The following ANTXR2 variants were observed in gnomAD, a reference collection of about 807,000 sequenced individuals.
The protein encoded by ANTXR2 is anthrax toxin receptor 2.
A neutral mutation model predicts 73.7 loss-of-function variants in ANTXR2; 44 were observed. The ratio of observed to expected loss-of-function variants is 0.60; its 90% CI spans 0.47 to 0.77. The LOEUF (loss-of-function observed/expected upper bound fraction) is 0.77. Ranked by LOEUF, ANTXR2 falls within the 30% of genes least tolerant of loss-of-function variation. The probability of loss-of-function intolerance (pLI) is 0.00; values close to 1 mark genes in which losing one functional copy is unlikely to be tolerated. For synonymous variants in ANTXR2, 217 were observed against 205.9 expected, an observed-to-expected ratio of 1.05 and a Z score of -0.46; for missense variants, 604 against 592.5, an observed-to-expected ratio of 1.02 and a Z score of -0.20.
At chr4:80,001,620 C>T (rs1253201271) in intron 12 of ANTXR2, among the ~76,000 whole-genome samples, 4 of 150,010 alleles carry the variant, frequency 2.7e-5, no homozygotes, top group Non-Finnish European at 3.0e-5. Context: ...CTTTCTGTCT[C>T]GTTGATCTGT....
intron 16 of ANTXR2, among the ~76,000 whole-genome samples, chr4:79,963,182 C>T (rs934262164): frequency 2.0e-5 from 3 of 152,052 alleles, no homozygotes; most frequent in African/African-American, 7.2e-5. Context: ...AAGAAGCCAC[C>T]ATTAAAAAGG....
intron 3 of ANTXR2, among the ~76,000 whole-genome samples, 157 bp downstream of exon 3, chr4:80,069,279 T>C (rs1734671461): frequency 6.6e-6 from 1 of 152,222 alleles, no homozygotes; most frequent in Admixed American, 6.5e-5. Flanking sequence ...TGCTCTTTTA[T>C]ATTACTCATA....
At chr4:79,974,544 G>A (rs534668293) in intron 16 of ANTXR2, among the ~76,000 whole-genome samples, 5 of 151,942 alleles carry the variant, frequency 3.3e-5, no homozygotes, top group Admixed American at 1.3e-4. Context: ...CCCTACATTT[G>A]TCACCAAAAT....
At chr4:79,989,112 C>T (rs1201957835) in intron 12 of ANTXR2, among the ~76,000 whole-genome samples, 1 of 151,672 alleles carries the variant, frequency 6.6e-6, no homozygotes, top group Non-Finnish European at 1.5e-5. Context: ...TAAACCAACC[C>T]CAAAGCTAGC....
intron 6 of ANTXR2, 75 bp from the exon 7 acceptor site, chr4:80,054,427 A>T (rs992922801): frequency 1.9e-6 from 2 of 1,074,408 alleles, no homozygotes; most frequent in African/African-American, 3.3e-5. Flanking sequence ...GTTACATTTC[A>T]GTTATGTTCA....
In ANTXR2 at chr4:79,911,889, C is replaced by T. The variant is rs140584612; in HGVS notation, c.1429-4422G>A. ...GTTGTAATGCTTTAGGTAGCACCCA[C>T]ACTACTTACTCAATTAGGCAATCAA... On this transcript the variant is annotated intron_variant, in intron 16 of 16. Transcript: ENST00000403729. Among the ~76,000 whole-genome samples the T allele has an allele frequency of 1.6e-4, 25 of 152,040 alleles. 1 individual carries two copies. The highest frequency in any genetic ancestry group is 5.5e-4 in the African/African-American group (23 of 41,516).
At chr4:79,975,913 A>ATTT (rs1729605933) in intron 16 of ANTXR2, among the ~76,000 whole-genome samples, 2 of 91,062 alleles carry the variant, frequency 2.2e-5, no homozygotes, top group Non-Finnish European at 2.5e-5. Flanking sequence ...CTCAAATTAC[A>ATTT]CTTTTTTTTT....
intron 12 of ANTXR2, among the ~76,000 whole-genome samples, chr4:79,998,608 C>T (rs920955835): frequency 6.6e-6 from 1 of 151,996 alleles, no homozygotes; most frequent in African/African-American, 2.4e-5. Flanking sequence ...TTTCTGATGT[C>T]ACTAACAATT....
intron 3 of ANTXR2, among the ~76,000 whole-genome samples, chr4:80,066,524 TATA>T (rs1221318499): frequency 6.6e-6 from 1 of 152,236 alleles, no homozygotes; most frequent in African/African-American, 2.4e-5. Context: ...TTTGGAATAT[TATA>T]AATCCTTTTA....
At chr4:79,981,994 A>G (rs181115134) in intron 14 of ANTXR2, among the ~76,000 whole-genome samples, 31 of 152,316 alleles carry the variant, frequency 2.0e-4, no homozygotes, top group African/African-American at 7.0e-4. Context: ...TCATAAATAT[A>G]AACCAATAAT....
chr4:80,062,439 T>A (rs889537849), intron 3 of ANTXR2, among the ~76,000 whole-genome samples: 3 of 152,164 alleles, frequency 2.0e-5, no homozygotes, highest in African/African-American at 7.2e-5. Flanking sequence ...TGAGTAACAA[T>A]GTACTTAATT....
intron 7 of ANTXR2, among the ~76,000 whole-genome samples, chr4:80,048,972 C>T (rs1250397613): frequency 2.0e-5 from 3 of 151,640 alleles, no homozygotes; most frequent in Non-Finnish European, 4.4e-5. Flanking sequence ...CCTATTTATG[C>T]TTGTATACTT....
chr4:79,928,132 T>C (rs1053665561), intron 16 of ANTXR2, among the ~76,000 whole-genome samples: 6 of 152,164 alleles, frequency 3.9e-5, no homozygotes, highest in African/African-American at 1.2e-4. Context: ...CATGGACTAA[T>C]AGATAAAATG....
At position 80,054,314 on chromosome 4, in the gene ANTXR2, A is replaced by G. The variant is rs1383676542; in HGVS notation, c.594T>C (p.Pro198=). ...RIADSKEQVF[P]VKGGFQALKG... is the part of the protein sequence containing the mutation. ...TAAGAGCCTGAAATCCACCTTTGAC[A>G]GGGAAAACTTGCTCCTTGGAATCAG... Residue 198 remains proline, a synonymous_variant, in exon 7 of 17, where the codon CCT becomes CCC. Coordinates refer to ENST00000403729, the MANE Select transcript of ANTXR2 (RefSeq NM_058172.6). 6.9e-6 allele frequency: 11 copies of G among 1,595,602 alleles called. No homozygotes were observed. Among genetic ancestry groups the G allele is most frequent in the Non-Finnish European group, 9.4e-6 (11 of 1,171,668 alleles).
At chr4:79,919,865 TTATATATATATATATA>T (rs869257072) in intron 16 of ANTXR2, among the ~76,000 whole-genome samples, 52 of 17,830 alleles carry the variant, frequency 2.9e-3, no homozygotes, top group South Asian at 5.9e-3. Flanking sequence ...AATACATATT[TTATATATATATATATA>T]TATATATATA....
chr4:79,913,344 T>C (rs1489551092), intron 16 of ANTXR2, among the ~76,000 whole-genome samples: 1 of 152,170 alleles, frequency 6.6e-6, no homozygotes, highest in East Asian at 1.9e-4. Context: ...CATACAAAAT[T>C]ATAAAAGTTT....
chr4:79,997,157 G>A (rs1349978529), intron 12 of ANTXR2, among the ~76,000 whole-genome samples: 1 of 151,650 alleles, frequency 6.6e-6, no homozygotes, highest in Admixed American at 6.6e-5. Context: ...CATTCTTTGC[G>A]CTAAAAAATG....
At chr4:79,973,927 A>G (rs1314013468) in intron 16 of ANTXR2, among the ~76,000 whole-genome samples, 1 of 152,200 alleles carries the variant, frequency 6.6e-6, no homozygotes, top group Non-Finnish European at 1.5e-5. Flanking sequence ...AAGAAACATA[A>G]AGGCAAAACG....
rs1288553015 is a variant in ANTXR2, at chr4:79,901,346, G to C, written c.*6083C>G. On this transcript the variant is annotated 3_prime_UTR_variant, in exon 17 of 17. Coordinates refer to ENST00000403729, the MANE Select transcript of ANTXR2 (RefSeq NM_058172.6). Reference sequence around the variant, plus strand: ...GGTGGAGTACATGATAAGAAGTTTAGATTTGCTTCTAATTTGGCACATGAT... The same window carrying C: ...GGTGGAGTACATGATAAGAAGTTTACATTTGCTTCTAATTTGGCACATGAT... The C allele has an allele frequency of 6.6e-6, 1 of 151,982 alleles. No individual in the cohort carries two copies. Among genetic ancestry groups the C allele is most frequent in the Non-Finnish European group, 1.5e-5 (1 of 67,986 alleles). 9.4% of individuals were successfully genotyped at this position (151,982 alleles called of 1,614,324 possible).
Sources: allele counts gnomAD v4.1 joint callset (sites outside exome capture counted in the v4.1 genomes callset), GRCh38; gene constraint gnomAD v4.1.1; transcripts MANE v1.5; gene names NCBI Gene and HGNC (gene_info 2026-07-23, HGNC 2026-07-21).